Variants in LUZP2 observed in about 807,000 individuals in gnomAD.
LUZP2 encodes the protein leucine zipper protein 2.
A neutral mutation model predicts 51.6 loss-of-function variants in LUZP2; 52 were observed. The ratio of observed to expected loss-of-function variants is 1.01; its 90% CI spans 0.81 to 1.27. LUZP2 has a LOEUF of 1.27. Ranked by LOEUF, LUZP2 falls within the 50% of genes most tolerant of loss-of-function variation. The pLI is 0.00. For missense variants in LUZP2, 436 were observed against 395.4 expected (o/e 1.10, Z -0.87); for synonymous variants, 154 against 137.3 (o/e 1.12, Z -0.85).
At chr11:24,703,235 G>T in intron 1 of LUZP2, among the ~76,000 whole-genome samples, 1 of 152,148 alleles carries the variant, frequency 6.6e-6, no homozygotes, top group East Asian at 1.9e-4. Context: ...TAATAAGCTT[G>T]TAGTGTATCC....
At chr11:24,713,527 A>G (rs1329771375) in intron 1 of LUZP2, among the ~76,000 whole-genome samples, 1 of 151,950 alleles carries the variant, frequency 6.6e-6, no homozygotes, top group African/African-American at 2.4e-5. Flanking sequence ...GATCAGAAAT[A>G]TGGCAAAAAA....
intron 7 of LUZP2, among the ~76,000 whole-genome samples, chr11:24,970,079 T>G (rs1392977960): frequency 2.0e-5 from 3 of 152,202 alleles, no homozygotes; most frequent in Non-Finnish European, 2.9e-5. Flanking sequence ...AAACTACTAC[T>G]TGGAAAACTC....
chr11:24,804,584 T>C (rs1259134718), intron 5 of LUZP2, among the ~76,000 whole-genome samples: 1 of 152,208 alleles, frequency 6.6e-6, no homozygotes, highest in Non-Finnish European at 1.5e-5. Flanking sequence ...AACTTAGGCC[T>C]GTTTTTCAGA....
intron 10 of LUZP2, among the ~76,000 whole-genome samples, chr11:25,072,909 T>C (rs917692318): frequency 1.3e-5 from 2 of 152,042 alleles, no homozygotes; most frequent in South Asian, 4.1e-4. Flanking sequence ...TATAGACAAT[T>C]TGTTGCAGAA....
chr11:24,788,530 A>G (rs1255597579), intron 5 of LUZP2, among the ~76,000 whole-genome samples: 1 of 152,070 alleles, frequency 6.6e-6, no homozygotes, highest in Non-Finnish European at 1.5e-5. Context: ...TCAAACTGAA[A>G]ATTCTGCCTT....
rs1390595408 is a variant in LUZP2, at chr11:24,515,272, C to T, written c.62+17967C>T. Among the ~76,000 whole-genome samples the T allele has an allele frequency of 2.6e-5, 4 of 152,210 alleles. No homozygotes were observed. In the East Asian group the frequency reaches 7.7e-4, roughly 29 times the overall value. ...GGAGAGAAGTGGTATTCTAGGAATA[C>T]TACACATCCTCTGTAACTTACTCTC... On this transcript the variant is annotated intron_variant, in intron 1 of 11. Transcript: ENST00000336930.
chr11:24,650,006 C>CAG (rs1855579214), intron 1 of LUZP2, among the ~76,000 whole-genome samples: 1 of 147,532 alleles, frequency 6.8e-6, no homozygotes, highest in Non-Finnish European at 1.5e-5. Flanking sequence ...CACACACACA[C>CAG]AGATAACATT....
At chr11:25,044,235 ATG>A (rs368613234) in intron 9 of LUZP2, among the ~76,000 whole-genome samples, 6,519 of 105,870 alleles carry the variant, frequency 0.062, 291 homozygotes, top group East Asian at 0.19. Flanking sequence ...GTGTATGTGT[ATG>A]TGTGTGTGTG....
At chr11:24,901,002 A>G (rs1853262790) in intron 5 of LUZP2, among the ~76,000 whole-genome samples, 1 of 152,042 alleles carries the variant, frequency 6.6e-6, no homozygotes, top group African/African-American at 2.4e-5. Context: ...ACTAATCAAA[A>G]CTTCTGTGGT....
intron 9 of LUZP2, among the ~76,000 whole-genome samples, chr11:25,010,119 G>A (rs1219946302): frequency 6.6e-6 from 1 of 152,084 alleles, no homozygotes; most frequent in African/African-American, 2.4e-5. Context: ...AAAACTATCA[G>A]GCAGTCTAGC....
In LUZP2 at chr11:24,845,127, A is replaced by G. The variant is rs148123658; in HGVS notation, c.397-60864A>G. The stretch of plus-strand genomic sequence containing the variant: ...GCATCTGGAAAAGCAGCAGACACTC[A>G]ATGCCAGCCGGTGAAGGCAGCCAGG... On this transcript the variant is annotated intron_variant, in intron 5 of 11. Transcript: ENST00000336930. Among the ~76,000 whole-genome samples, 210 of 152,268 alleles carry G rather than the reference A, an allele frequency of 1.4e-3. 1 individual carries two copies. The highest frequency in any genetic ancestry group is 4.9e-3 in the African/African-American group (205 of 41,580).
chr11:25,004,033 C>A (rs889475765), intron 9 of LUZP2, among the ~76,000 whole-genome samples: 2 of 152,112 alleles, frequency 1.3e-5, no homozygotes, highest in African/African-American at 4.8e-5. Context: ...ACTGAGAAGG[C>A]CATACCAGTG....
At chr11:24,845,938 C>G (rs1851185448) in intron 5 of LUZP2, among the ~76,000 whole-genome samples, 1 of 151,952 alleles carries the variant, frequency 6.6e-6, no homozygotes, top group Admixed American at 6.6e-5. Flanking sequence ...AAGCTACTAA[C>G]AAAATAGAAC....
chr11:24,699,456 C>T (rs1304100286), intron 1 of LUZP2, among the ~76,000 whole-genome samples: 1 of 151,906 alleles, frequency 6.6e-6, no homozygotes, highest in East Asian at 1.9e-4. Context: ...ATTACAGATG[C>T]ATTGAATACT....
chr11:25,056,662 A>G (rs1858691481), intron 10 of LUZP2, among the ~76,000 whole-genome samples: 1 of 152,206 alleles, frequency 6.6e-6, no homozygotes, highest in Admixed American at 6.5e-5. Context: ...CATACTAAGA[A>G]TCACCAAGTC....
intron 5 of LUZP2, among the ~76,000 whole-genome samples, chr11:24,847,991 T>C (rs1315622854): frequency 6.6e-6 from 1 of 152,166 alleles, no homozygotes; most frequent in Admixed American, 6.6e-5. Context: ...TTCTGGTACA[T>C]AGAATCATTT....
chr11:25,044,124 A>ATATATATAT, intron 9 of LUZP2, among the ~76,000 whole-genome samples: 1 of 114,342 alleles, frequency 8.7e-6, no homozygotes, highest in South Asian at 3.0e-4. Flanking sequence ...TATATCAGAT[A>ATATATATAT]CATATGTAGT....
chr11:24,572,366 G>C (rs1433618898), intron 1 of LUZP2, among the ~76,000 whole-genome samples: 1 of 151,806 alleles, frequency 6.6e-6, no homozygotes, highest in Admixed American at 6.6e-5. Context: ...AGTAATACAG[G>C]TCTCAAGCAA....
Position 25,082,633 on chromosome 11 carries a change from C to A in LUZP2, c.*3975C>A, listed in dbSNP as rs2134069444. On this transcript the variant is annotated 3_prime_UTR_variant, in exon 12 of 12. Coordinates refer to ENST00000336930, the MANE Select transcript of LUZP2 (RefSeq NM_001009909.4). ...TATTTTTGTTCAATAAAGATTGTTA[C>A]AAGAATACAATGTATATTATCTTAC... 1 of 152,102 alleles carries A rather than the reference C, an allele frequency of 6.6e-6. No individual in the cohort carries two copies. Among genetic ancestry groups the A allele is most frequent in the East Asian group, 1.9e-4 (1 of 5,180 alleles). The allele number at this position is 152,102 out of a possible 1,614,324, so 9.4% of individuals were successfully genotyped here.
Sources: gnomAD v4.1 joint callset for allele counts (sites outside exome capture counted in the v4.1 genomes callset) on GRCh38, gnomAD v4.1.1 for gene constraint, MANE v1.5 for transcripts, NCBI Gene and HGNC (gene_info 2026-07-23, HGNC 2026-07-21) for gene names.